ABLIM1: variants seen among roughly 807,000 people sequenced by gnomAD.
The protein encoded by ABLIM1 is actin-binding LIM protein 1.
Under a neutral mutation model 107.0 loss-of-function variants are expected in ABLIM1, and 40 were observed. The ratio of observed to expected loss-of-function variants is 0.37; its 90% confidence interval spans 0.29 to 0.49. The LOEUF is 0.49. Ranked by LOEUF, ABLIM1 falls within the 20% of genes least tolerant of loss-of-function variation. ABLIM1 has a pLI of 0.97. For synonymous variants in ABLIM1, 357 were observed against 357.3 expected, an observed-to-expected ratio of 1.00 and a Z score of 0.01; for missense variants, 857 against 1,008.5, an observed-to-expected ratio of 0.85 and a Z score of 2.04.
At chr10:114,792,386 A>G in the ABLIM1 span, among the ~76,000 whole-genome samples, 6 of 152,230 alleles carry the variant, frequency 3.9e-5, no homozygotes, top group Admixed American at 1.3e-4. Flanking sequence ...AATTGGTCAC[A>G]AAGTCAGTAT....
chr10:114,726,267 T>C (rs1445128591), intron 1 of ABLIM1, among the ~76,000 whole-genome samples: 1 of 152,196 alleles, frequency 6.6e-6, no homozygotes, highest in Non-Finnish European at 1.5e-5. Context: ...AAAAAGGTTT[T>C]GTGAGTTTGT....
chr10:114,784,713 T>C, the ABLIM1 span, among the ~76,000 whole-genome samples: 1 of 137,710 alleles, frequency 7.3e-6, no homozygotes, highest in Non-Finnish European at 1.6e-5. Flanking sequence ...AAATGGATGG[T>C]AGCTGGAGAA....
chr10:114,467,287 A>G (rs961203328), intron 11 of ABLIM1, among the ~76,000 whole-genome samples: 3 of 152,254 alleles, frequency 2.0e-5, no homozygotes, highest in Admixed American at 2.0e-4. Context: ...CACACACACA[A>G]TATAAAACTG....
intron 6 of ABLIM1, among the ~76,000 whole-genome samples, chr10:114,517,608 G>A (rs1313538665): frequency 6.6e-6 from 1 of 151,636 alleles, no homozygotes; most frequent in Non-Finnish European, 1.5e-5. Flanking sequence ...ATACTTTAAA[G>A]GGCGGGGAGG....
At chr10:114,478,968 T>C (rs1477019906) in intron 8 of ABLIM1, among the ~76,000 whole-genome samples, 1 of 152,240 alleles carries the variant, frequency 6.6e-6, no homozygotes, top group African/African-American at 2.4e-5. Flanking sequence ...CTATGTATTT[T>C]ATGTAAGACA....
Position 114,712,353 on chromosome 10 carries a change from G to GAA in ABLIM1, c.-213+55706_-213+55707dup, listed in dbSNP as rs10583793. 5.4e-4 allele frequency among the ~76,000 whole-genome samples: 24 copies of GAA among 44,086 alleles called. 2 individuals are homozygous for GAA. Among genetic ancestry groups the GAA allele is most frequent in the East Asian group, 1.2e-3 (2 of 1,672 alleles). 28.9% of individuals were successfully genotyped at this position (44,086 alleles called of 152,430 possible). On this transcript the variant is annotated intron_variant, in intron 1 of 15. Coordinates refer to the ABLIM1 transcript ENST00000651092. ...GGGTGACAGAGCGAGACTCCGTCTC[G>GAA]AAAAAAAAAAAAAAAAAAAAAAAAG... is the stretch of plus-strand genomic sequence containing the variant.
At chr10:114,677,275 T>TAAAAC (rs2080528568) in intron 1 of ABLIM1, among the ~76,000 whole-genome samples, 2 of 152,072 alleles carry the variant, frequency 1.3e-5, no homozygotes, top group African/African-American at 4.8e-5. Flanking sequence ...ATGAATGAAA[T>TAAAAC]AAAACAATCC....
chr10:114,636,429 G>A (rs1365105179), intron 1 of ABLIM1, among the ~76,000 whole-genome samples: 1 of 152,118 alleles, frequency 6.6e-6, no homozygotes, highest in Non-Finnish European at 1.5e-5. Flanking sequence ...GCATTTCAAG[G>A]TACAGCATGA....
intron 1 of ABLIM1, among the ~76,000 whole-genome samples, chr10:114,639,351 A>C (rs1028614916): frequency 1.3e-5 from 2 of 152,222 alleles, no homozygotes; most frequent in Non-Finnish European, 2.9e-5. Context: ...ATTAAGATAA[A>C]AGCAGAAGTC....
chr10:114,705,041 T>C (rs1448415404), intron 1 of ABLIM1, among the ~76,000 whole-genome samples: 1 of 152,156 alleles, frequency 6.6e-6, no homozygotes, highest in Non-Finnish European at 1.5e-5. Context: ...AGTTCTTTTT[T>C]TTTTCATTAG....
chr10:114,788,835 C>T, the ABLIM1 span, among the ~76,000 whole-genome samples: 1 of 152,206 alleles, frequency 6.6e-6, no homozygotes, highest in Admixed American at 6.5e-5. Context: ...ACTAATACTT[C>T]TTAGGTAAGT....
chr10:114,478,892 C>T (rs1411047939), intron 8 of ABLIM1, among the ~76,000 whole-genome samples: 1 of 152,064 alleles, frequency 6.6e-6, no homozygotes, highest in Non-Finnish European at 1.5e-5. Flanking sequence ...TTCTTGCTTG[C>T]TTATTTTCTT....
At chr10:114,683,923 C>T (rs987588185) in intron 1 of ABLIM1, among the ~76,000 whole-genome samples, 11 of 152,004 alleles carry the variant, frequency 7.2e-5, no homozygotes, top group Admixed American at 7.2e-4. Flanking sequence ...GACATCCAAA[C>T]TCAAACAAAA....
chr10:114,474,996 G>C (rs921307959), intron 8 of ABLIM1, among the ~76,000 whole-genome samples: 6 of 152,154 alleles, frequency 3.9e-5, no homozygotes, highest in African/African-American at 1.4e-4. Flanking sequence ...GGCCTCCCCA[G>C]CCATGTGGAA....
intron 12 of ABLIM1, among the ~76,000 whole-genome samples, chr10:114,460,562 C>T (rs1194167117): frequency 6.6e-6 from 1 of 152,208 alleles, no homozygotes; most frequent in East Asian, 1.9e-4. Flanking sequence ...GATTGTGCCA[C>T]TGCATGCCAG....
chr10:114,491,016 A>G (rs868505594), intron 7 of ABLIM1, among the ~76,000 whole-genome samples: 64 of 63,788 alleles, frequency 1.0e-3, no homozygotes, highest in Admixed American at 2.4e-3. Flanking sequence ...GTGTGTGTAT[A>G]TATATATATG....
At chr10:114,644,624 A>T (rs145177690) in intron 1 of ABLIM1, among the ~76,000 whole-genome samples, 2 of 152,096 alleles carry the variant, frequency 1.3e-5, no homozygotes, top group Non-Finnish European at 1.5e-5. Context: ...GGTTGTTAGC[A>T]GACACTGGAT....
intron 1 of ABLIM1, among the ~76,000 whole-genome samples, chr10:114,716,549 G>A (rs1455815950): frequency 1.3e-5 from 2 of 152,066 alleles, no homozygotes; most frequent in African/African-American, 2.4e-5. Flanking sequence ...AACTTACAAC[G>A]GATGTTTTCT....
At chr10:114,759,938 T>C (rs1182912202) in intron 1 of ABLIM1, among the ~76,000 whole-genome samples, 1 of 152,212 alleles carries the variant, frequency 6.6e-6, no homozygotes, top group African/African-American at 2.4e-5. Flanking sequence ...TGTAAATATA[T>C]ACTTAAATGT....
Sources: allele counts gnomAD v4.1 joint callset (sites outside exome capture counted in the v4.1 genomes callset), GRCh38; gene constraint gnomAD v4.1.1; transcripts MANE v1.5; gene names NCBI Gene and HGNC (gene_info 2026-07-23, HGNC 2026-07-21).